The following ZNF648 variants were observed in gnomAD, a reference collection of about 807,000 sequenced individuals.
ZNF648 encodes zinc finger protein 648.
ZNF648 carries 1 observed loss-of-function variant against 0.3 expected under a neutral mutation model. The ratio of observed to expected loss-of-function variants is 3.90; its 90% CI spans 1.39 to 18.51. The LOEUF is 18.51. Among genes scored for constraint, ZNF648 ranks in the 30% most tolerant of loss-of-function variants. The pLI is 0.11. For synonymous variants in ZNF648, 376 were observed against 326.8 expected (o/e 1.15, Z -1.62); for missense variants, 874 against 769.7 (o/e 1.14, Z -1.60).
intron 1 of ZNF648, among the ~76,000 whole-genome samples, chr1:182,058,338 T>G (rs1665975637): frequency 6.6e-6 from 1 of 152,152 alleles, no homozygotes; most frequent in African/African-American, 2.4e-5. Flanking sequence ...GTGCCAGCTG[T>G]GCCTTGTCCT....
At chr1:182,058,377 C>G (rs1360044276) in intron 1 of ZNF648, among the ~76,000 whole-genome samples, 1 of 152,176 alleles carries the variant, frequency 6.6e-6, no homozygotes, top group Non-Finnish European at 1.5e-5. Flanking sequence ...CAACCACTAA[C>G]CAAATGTGTC....
At position 182,056,518 on chromosome 1, in the gene ZNF648, T is replaced by C. The variant is rs1413728277; in HGVS notation, c.1493A>G (p.His498Arg). The change falls in exon 2 of 2, where the codon CAC becomes CGC. Residue 498 changes from histidine (H) to arginine (R), a missense_variant. His to Arg is a conservative substitution (Grantham distance 29). Transcript: ENST00000339948. ...SSTLKRHQQI[H>R]SGEKGFLCAE... is the part of the protein sequence containing the mutation. ...ACAGAGGAATCCCTTCTCCCCGGAG[T>C]GGATCTGTTGGTGCCGCTTCAGGGT... is the stretch of plus-strand genomic sequence containing the variant. 6.2e-7 allele frequency: 1 copy of C among 1,613,774 alleles called. No homozygotes were observed. Among genetic ancestry groups the C allele is most frequent in the East Asian group, 2.2e-5 (1 of 44,844 alleles).
At chr1:182,062,722 G>T (rs1666047638), upstream of ZNF648, 1 of 152,104 alleles carries the variant, frequency 6.6e-6, no homozygotes, top group African/African-American at 2.4e-5. Context: ...TTAAGTTCCG[G>T]GATACATGTG....
rs1249263728 is a variant in ZNF648, at chr1:182,055,178, A to G, written c.*1126T>C. The G allele has an allele frequency of 6.6e-6, 1 of 152,202 alleles. No homozygotes were observed. Among genetic ancestry groups the G allele is most frequent in the Non-Finnish European group, 1.5e-5 (1 of 68,036 alleles). 9.4% of individuals were successfully genotyped at this position (152,202 alleles called of 1,614,324 possible). On this transcript the variant is annotated 3_prime_UTR_variant, in exon 2 of 2. Transcript: ENST00000339948. The surrounding 1 kb of genome is among the most constrained non-coding windows in gnomAD (Gnocchi z 4.1). ...AACTACTGACTTTATACAGATCACTATACACATCAATACACTTTGCAGAAT... is the reference window on the plus strand; with the variant it reads ...AACTACTGACTTTATACAGATCACTGTACACATCAATACACTTTGCAGAAT...
the ZNF648 span, among the ~76,000 whole-genome samples, chr1:182,067,325 G>A: frequency 2.6e-5 from 4 of 152,128 alleles, no homozygotes; most frequent in Non-Finnish European, 4.4e-5. Context: ...TAACCTTTCT[G>A]TGCCCCAGTT....
At chr1:182,061,461 A>C (rs1449003341) in intron 1 of ZNF648, 107 bp downstream of exon 1, 1 of 152,512 alleles carries the variant, frequency 6.6e-6, no homozygotes, top group Non-Finnish European at 1.5e-5. Flanking sequence ...CATTCTTTCC[A>C]GATTGTACTG....
rs555168919 is a variant in ZNF648, at chr1:182,057,249, C to G, written c.762G>C (p.Arg254=). 527 of 1,576,000 alleles carry G rather than the reference C, an allele frequency of 3.3e-4. 9 individuals carry two copies. In the South Asian group the frequency reaches 5.5e-3, roughly 16 times the overall value. Residue 254 remains arginine, a synonymous_variant, in exon 2 of 2, where the codon CGG becomes CGC. Coordinates refer to ENST00000339948, the MANE Select transcript of ZNF648 (RefSeq NM_001009992.1). The part of the protein sequence containing the change: ...EAEARPYRCL[R]GGRAFQKPSK... ...TGGGCTTCTGAAAGGCCCGCCCGCC[C>G]CGCAGGCACCTGTAGGGACGCGCCT...
chr1:182,058,711 G>T (rs1331690733), intron 1 of ZNF648, among the ~76,000 whole-genome samples: 1 of 152,208 alleles, frequency 6.6e-6, no homozygotes. Context: ...TAACTGCCAG[G>T]AAGGCTACCC....
intron 1 of ZNF648, among the ~76,000 whole-genome samples, chr1:182,059,958 A>T (rs949237256): frequency 2.6e-5 from 4 of 152,176 alleles, no homozygotes; most frequent in South Asian, 4.1e-4. Context: ...TAAGGCCATT[A>T]AGCCCCAAAT....
At chr1:182,062,865 C>G (rs1441387789), upstream of ZNF648, 1 of 152,158 alleles carries the variant, frequency 6.6e-6, no homozygotes, top group Non-Finnish European at 1.5e-5. Flanking sequence ...CCACCCCGCA[C>G]TCCCCCAACT....
At chr1:182,060,132 G>A (rs1202695681) in intron 1 of ZNF648, among the ~76,000 whole-genome samples, 4 of 152,212 alleles carry the variant, frequency 2.6e-5, no homozygotes, top group Admixed American at 1.3e-4. Flanking sequence ...GGGCCTCACT[G>A]CTGGGCTCCT....
At chr1:182,059,187 A>G (rs1179752733) in intron 1 of ZNF648, among the ~76,000 whole-genome samples, 1 of 152,188 alleles carries the variant, frequency 6.6e-6, no homozygotes, top group African/African-American at 2.4e-5. Flanking sequence ...TCTTCCCCCA[A>G]GTGTGCCATA....
the ZNF648 span, among the ~76,000 whole-genome samples, chr1:182,067,584 A>G: frequency 2.0e-5 from 3 of 152,168 alleles, no homozygotes; most frequent in African/African-American, 7.2e-5. Context: ...GCCCTTACTC[A>G]GTATAACCAG....
At chr1:182,059,255 G>T (rs549974569) in intron 1 of ZNF648, among the ~76,000 whole-genome samples, 18 of 152,340 alleles carry the variant, frequency 1.2e-4, no homozygotes, top group African/African-American at 3.8e-4. Flanking sequence ...GACTCAAGAA[G>T]CCAGATGTAG....
chr1:182,057,670 T>C lies in ZNF648; in HGVS notation c.341A>G (p.Gln114Arg). ...AGCTCTGCTTGCTCCCGGGGAACCC[T>C]GGGTCTCGTTGATCTTTGTCACATC... ...SRDVTKINETQGSPGASRALG... is the reference protein window; with the variant it reads ...SRDVTKINETRGSPGASRALG... The change falls in exon 2 of 2, where the codon CAG (glutamine) becomes CGG (arginine). Residue 114 changes from glutamine to arginine, a missense_variant. Coordinates refer to ENST00000339948, the MANE Select transcript of ZNF648 (RefSeq NM_001009992.1). The C allele has an allele frequency of 6.2e-7, 1 of 1,614,210 alleles. No homozygotes were observed. Among genetic ancestry groups the C allele is most frequent in the Non-Finnish European group, 8.5e-7 (1 of 1,180,040 alleles).
In ZNF648 at chr1:182,057,224, T is replaced by A. The variant is rs376680007; in HGVS notation, c.787A>T (p.Ser263Cys). ...LRGGRAFQKP[S>C]KPLSPAETRG... ...GTCTCCGCGGGGCTCAGCGGCTTGC[T>A]GGGCTTCTGAAAGGCCCGCCCGCCC... Residue 263 changes from serine (S) to cysteine (C), a missense_variant, in exon 2 of 2, where the codon AGC (serine) becomes TGC (cysteine). Coordinates refer to ENST00000339948, the MANE Select transcript of ZNF648 (RefSeq NM_001009992.1). 6.4e-7 allele frequency: 1 copy of A among 1,567,156 alleles called. No homozygotes were observed.
upstream of ZNF648, chr1:182,062,639 G>A (rs1402244281): frequency 2.6e-5 from 4 of 152,112 alleles, no homozygotes; most frequent in East Asian, 5.8e-4. Flanking sequence ...AGCTTAGTTC[G>A]GTGTTTGGAA....
At position 182,057,864 on chromosome 1, in the gene ZNF648, AGCGGT is replaced by A. The variant is rs1374975241; in HGVS notation, c.142_146del (p.Thr48Ter). ...TGCCCCTTGGACAGGCCACCGGGTC[AGCGGT>A]GCCCTCTTTTTCGGCCTCCCCACCA... On this transcript the variant is annotated frameshift_variant, in exon 2 of 2. Coordinates refer to ENST00000339948, the MANE Select transcript of ZNF648 (RefSeq NM_001009992.1). LOFTEE classifies it low-confidence loss of function (END_TRUNC). 6.2e-7 allele frequency: 1 copy of A among 1,614,172 alleles called. No homozygotes were observed. The highest frequency in any genetic ancestry group is 1.1e-5 in the South Asian group (1 of 91,088).
In ZNF648 at chr1:182,056,225, C is replaced by G. The variant is rs958515371; in HGVS notation, c.*79G>C. The G allele has an allele frequency of 1.3e-6, 2 of 1,517,336 alleles. No individual in the cohort carries two copies. Among genetic ancestry groups the G allele is most frequent in the African/African-American group, 2.8e-5 (2 of 72,076 alleles). The allele number at this position is 1,517,336 out of a possible 1,614,324, so 94.0% of individuals were successfully genotyped here. On this transcript the variant is annotated 3_prime_UTR_variant, in exon 2 of 2. Coordinates refer to ENST00000339948, the MANE Select transcript of ZNF648 (RefSeq NM_001009992.1). ...ACCCGCGACCTGCTGGGAGGCGAGG[C>G]TGACCAGTGAGGCTGGCAATACCAT... is the stretch of plus-strand genomic sequence containing the variant.
Sources: allele counts gnomAD v4.1 joint callset (sites outside exome capture counted in the v4.1 genomes callset), GRCh38; gene constraint gnomAD v4.1.1; non-coding constraint Gnocchi (gnomAD v3.1); transcripts MANE v1.5; gene names NCBI Gene and HGNC (gene_info 2026-07-23, HGNC 2026-07-21).